The following ADAMTS5 variants were observed in gnomAD, a reference collection of about 807,000 sequenced individuals.
ADAMTS5 encodes the protein ADAM metallopeptidase with thrombospondin type 1 motif 5.
ADAMTS5 carries 54 observed loss-of-function variants against 81.4 expected under a neutral mutation model. That is an observed-to-expected ratio of 0.66 (90% CI 0.53 to 0.83). The LOEUF (loss-of-function observed/expected upper bound fraction) is 0.83. Among genes scored for constraint, ADAMTS5 ranks in the 40% least tolerant of loss-of-function variants. ADAMTS5 has a pLI of 0.00. For missense variants in ADAMTS5, 1,194 were observed against 1,229.9 expected (o/e 0.97, Z 0.44); for synonymous variants, 532 against 508.8 (o/e 1.05, Z -0.61).
At chr21:26,925,221 T>C (rs1306918195) in intron 7 of ADAMTS5, among the ~76,000 whole-genome samples, 3 of 152,184 alleles carry the variant, frequency 2.0e-5, no homozygotes, top group African/African-American at 7.2e-5. Context: ...ACAGAATTAA[T>C]TAGTTTTTGG....
intron 2 of ADAMTS5, among the ~76,000 whole-genome samples, chr21:26,951,729 A>G (rs1987322123): frequency 7.0e-6 from 1 of 143,636 alleles, no homozygotes; most frequent in African/African-American, 2.6e-5. Flanking sequence ...AAAAATTAGG[A>G]AGAGAGAAGA....
chr21:26,928,609 T>TTTTC (rs973643015), intron 7 of ADAMTS5, among the ~76,000 whole-genome samples: 4 of 138,516 alleles, frequency 2.9e-5, no homozygotes, highest in African/African-American at 1.0e-4. Flanking sequence ...CTCCTTTCCT[T>TTTTC]TTTCTTTCCT....
intron 2 of ADAMTS5, among the ~76,000 whole-genome samples, chr21:26,946,620 C>G (rs566557605): frequency 6.6e-6 from 1 of 151,988 alleles, no homozygotes; most frequent in African/African-American, 2.4e-5. Context: ...ACAAGCAGAC[C>G]CCAGGAGCAT....
At chr21:26,937,354 T>A (rs1011775022) in intron 3 of ADAMTS5, among the ~76,000 whole-genome samples, 24 of 152,204 alleles carry the variant, frequency 1.6e-4, no homozygotes, top group Admixed American at 1.3e-3. Flanking sequence ...CCCTTAGAGG[T>A]CATACATGTG....
At chr21:26,947,267 T>C (rs754059760) in intron 2 of ADAMTS5, among the ~76,000 whole-genome samples, 1 of 152,172 alleles carries the variant, frequency 6.6e-6, no homozygotes, top group African/African-American at 2.4e-5. Context: ...GTGTAATAGA[T>C]GCACTTGTTA....
intron 2 of ADAMTS5, among the ~76,000 whole-genome samples, chr21:26,952,897 A>G (rs1039299285): frequency 1.3e-5 from 2 of 152,212 alleles, no homozygotes; most frequent in Admixed American, 1.3e-4. Context: ...TATTTGGACT[A>G]ATTCCTCTTA....
rs797014953 is a variant in ADAMTS5 at position 26,957,028 on chromosome 21, A to G, written c.1105-2157T>C. 3.9e-5 allele frequency among the ~76,000 whole-genome samples: 6 copies of G among 152,360 alleles called. 1 individual carries two copies. Among genetic ancestry groups the G allele is most frequent in the African/African-American group, 1.4e-4 (6 of 41,580 alleles). ...AGCCACACTATATATTTCTGTAGCT[A>G]TAATTATGTAAACTGGCAACCTTTC... On this transcript the variant is annotated intron_variant, in intron 1 of 7. Coordinates refer to ENST00000284987, the MANE Select transcript of ADAMTS5 (RefSeq NM_007038.5).
intron 1 of ADAMTS5, among the ~76,000 whole-genome samples, chr21:26,960,159 C>T (rs912023054): frequency 1.3e-5 from 2 of 152,160 alleles, no homozygotes; most frequent in Admixed American, 6.5e-5. Context: ...TTTCTTGACC[C>T]AATCTATGCC....
At chr21:26,945,969 G>A (rs555305319) in intron 2 of ADAMTS5, among the ~76,000 whole-genome samples, 12 of 152,122 alleles carry the variant, frequency 7.9e-5, no homozygotes, top group Non-Finnish European at 1.2e-4. Flanking sequence ...TCTTTTGAGG[G>A]CGAATGAACA....
chr21:26,934,577 C>A lies in ADAMTS5; in HGVS notation c.1578G>T (p.Gln526His), dbSNP rs751789739. The change falls in exon 4 of 8, where the codon CAG (glutamine) becomes CAT (histidine). Residue 526 changes from glutamine to histidine, a missense_variant. By Grantham distance (24) the Gln-to-His change is conservative. This residue lies in a region of ADAMTS5 where 696 missense variants were observed against 817.6 expected (regional missense o/e 0.85). Coordinates refer to ENST00000284987, the MANE Select transcript of ADAMTS5 (RefSeq NM_007038.5). ...GCAGCTTCTTGGTCAGACAGACCAT[C>A]TGGCCCTGGCGTACCACAGCACACC... ...RLWCAVVRQG[Q>H]MVCLTKKLPA... 4 of 1,614,218 alleles carry A rather than the reference C, an allele frequency of 2.5e-6. No individual in the cohort carries two copies. In the South Asian group the frequency reaches 4.4e-5, roughly 18 times the overall value.
chr21:26,960,427 T>C (rs1295493415), intron 1 of ADAMTS5, among the ~76,000 whole-genome samples: 9 of 152,204 alleles, frequency 5.9e-5, no homozygotes, highest in Non-Finnish European at 1.3e-4. Context: ...TATTTGGAGA[T>C]AGGGCCTACA....
chr21:26,948,135 G>C (rs1478130209), intron 2 of ADAMTS5, among the ~76,000 whole-genome samples: 1 of 152,178 alleles, frequency 6.6e-6, no homozygotes, highest in East Asian at 1.9e-4. Context: ...TCTGGTGTTA[G>C]AAAATCTGTG....
intron 2 of ADAMTS5, among the ~76,000 whole-genome samples, chr21:26,949,399 T>C (rs1368841678): frequency 6.6e-6 from 1 of 152,000 alleles, no homozygotes; most frequent in Non-Finnish European, 1.5e-5. Flanking sequence ...TTTTACTTTT[T>C]GTAGAGACAG....
chr21:26,919,228 T>A lies in ADAMTS5; in HGVS notation c.*4825A>T, dbSNP rs1034789129. 9.8e-5 allele frequency: 11 copies of A among 112,250 alleles called. No homozygotes were observed. The highest frequency in any genetic ancestry group is 4.2e-4 in the African/African-American group (11 of 25,934). The allele number at this position is 112,250 out of a possible 1,614,324, so 7.0% of individuals were successfully genotyped here. A position where few individuals can be genotyped will look rare whatever the true frequency, so the allele number is the denominator to read the frequency against. On this transcript the variant is annotated 3_prime_UTR_variant, in exon 8 of 8. Coordinates refer to ENST00000284987, the MANE Select transcript of ADAMTS5 (RefSeq NM_007038.5). ...AAAAGCATGCCCTGTTTTTTATTTG[T>A]TTTTTTTTTTTTTCCTACAAATCAC... is the stretch of plus-strand genomic sequence containing the variant.
intron 3 of ADAMTS5, among the ~76,000 whole-genome samples, chr21:26,941,116 G>A (rs1987106462): frequency 6.6e-6 from 1 of 151,890 alleles, no homozygotes; most frequent in Admixed American, 6.6e-5. Context: ...ATAAGCTACT[G>A]ATAAAATAGG....
At chr21:26,949,927 C>G (rs755812258) in intron 2 of ADAMTS5, among the ~76,000 whole-genome samples, 1 of 152,192 alleles carries the variant, frequency 6.6e-6, no homozygotes, top group Non-Finnish European at 1.5e-5. Flanking sequence ...AGAACCTCTG[C>G]AGCTTTTCAA....
intron 7 of ADAMTS5, 48 bp from the exon 8 acceptor site, chr21:26,924,668 AG>A: frequency 6.8e-7 from 1 of 1,467,016 alleles, no homozygotes; most frequent in African/African-American, 1.4e-5. Context: ...GGTTAAAAAA[AG>A]GGAGAAAAAA....
rs141311682 is a variant in ADAMTS5 at position 26,933,042 on chromosome 21, C to T, written c.1692G>A (p.Thr564=). 45 of 1,611,568 alleles carry T rather than the reference C, an allele frequency of 2.8e-5. No homozygotes were observed. The highest frequency in any genetic ancestry group is 1.3e-4 in the African/African-American group (10 of 74,750). Residue 564 remains threonine (T), a splice_region_variant and synonymous_variant, in exon 5 of 8, where the codon ACG becomes ACA. Coordinates refer to ENST00000284987, the MANE Select transcript of ADAMTS5 (RefSeq NM_007038.5). ...AAGATCCCCAGTTGCCATGGCTTGA[C>T]GTCTGAAATAGAGAATAGAATATAT... ...VDKTKKKYYS[T]SSHGNWGSWG... is the part of the protein sequence containing the mutation.
chr21:26,961,968 T>C (rs1404245226), intron 1 of ADAMTS5, among the ~76,000 whole-genome samples: 1 of 152,186 alleles, frequency 6.6e-6, no homozygotes, highest in East Asian at 1.9e-4. Flanking sequence ...CCCAGCAATC[T>C]AAGGCAGAAT....
Sources: allele counts gnomAD v4.1 joint callset (sites outside exome capture counted in the v4.1 genomes callset), GRCh38; gene constraint gnomAD v4.1.1; regional missense constraint gnomAD v4.1.1; transcripts MANE v1.5; gene names NCBI Gene and HGNC (gene_info 2026-07-23, HGNC 2026-07-21).